HCN1: variants seen among roughly 807,000 people sequenced by gnomAD.
HCN1 encodes potassium/sodium hyperpolarization-activated cyclic nucleotide-gated channel 1.
Under a neutral mutation model 78.9 loss-of-function variants are expected in HCN1, and 13 were observed. The observed-to-expected ratio is 0.16, with a 90% CI of 0.11 to 0.26. The LOEUF (loss-of-function observed/expected upper bound fraction) is 0.26, where lower values mean the gene tolerates loss of function less well. Ranked by LOEUF, HCN1 falls within the 10% of genes least tolerant of loss-of-function variation. HCN1 has a pLI of 1.00. For missense variants in HCN1, 810 were observed against 1,154.3 expected, an observed-to-expected ratio of 0.70 and a Z score of 4.32; for synonymous variants, 552 against 455.5, an observed-to-expected ratio of 1.21 and a Z score of -2.70.
At chr5:45,370,639 T>C (rs1272117847) in intron 4 of HCN1, among the ~76,000 whole-genome samples, 1 of 152,096 alleles carries the variant, frequency 6.6e-6, no homozygotes, top group Admixed American at 6.6e-5. Flanking sequence ...TCCCAAGAGA[T>C]AAATATAATT....
intron 4 of HCN1, among the ~76,000 whole-genome samples, chr5:45,372,836 G>GAAAAATATGTTCGTATTCTATACAC (rs1561128864): frequency 7.2e-6 from 1 of 138,582 alleles, no homozygotes; most frequent in Non-Finnish European, 1.5e-5. Flanking sequence ...ATTCTATACA[G>GAAAAATATGTTCGTATTCTATACAC]AAAAATATGT....
At chr5:45,375,462 A>G (rs1030423867) in intron 4 of HCN1, among the ~76,000 whole-genome samples, 1 of 106,086 alleles carries the variant, frequency 9.4e-6, no homozygotes, top group Non-Finnish European at 1.7e-5. Context: ...TATGATACAT[A>G]TGATATATAA....
chr5:45,485,563 A>G (rs559697701), intron 2 of HCN1, among the ~76,000 whole-genome samples: 3 of 152,346 alleles, frequency 2.0e-5, no homozygotes, highest in South Asian at 2.1e-4. Context: ...CTTACGCAGA[A>G]GGGAAATACT....
intron 2 of HCN1, among the ~76,000 whole-genome samples, chr5:45,496,736 C>G (rs1742041701): frequency 6.6e-6 from 1 of 151,996 alleles, no homozygotes; most frequent in Non-Finnish European, 1.5e-5. Context: ...TTATTTCTTG[C>G]CTTCTGCTAG....
chr5:45,619,293 A>G (rs567331397), intron 2 of HCN1, among the ~76,000 whole-genome samples: 2 of 152,090 alleles, frequency 1.3e-5, no homozygotes, highest in Non-Finnish European at 2.9e-5. Context: ...TGGCACCCAC[A>G]TCACAATTCT....
intron 2 of HCN1, among the ~76,000 whole-genome samples, chr5:45,547,788 T>C (rs1743259532): frequency 6.6e-6 from 1 of 151,932 alleles, no homozygotes; most frequent in Non-Finnish European, 1.5e-5. Flanking sequence ...AATAAACATA[T>C]AAAATGCTAT....
intron 2 of HCN1, among the ~76,000 whole-genome samples, chr5:45,608,174 A>G (rs1421769361): frequency 3.9e-5 from 6 of 152,006 alleles, no homozygotes; most frequent in Admixed American, 3.9e-4. Flanking sequence ...AAATGTGCAA[A>G]CTGTATTTAG....
intron 3 of HCN1, among the ~76,000 whole-genome samples, chr5:45,444,435 A>C (rs1740743145): frequency 6.6e-6 from 1 of 152,174 alleles, no homozygotes; most frequent in African/African-American, 2.4e-5. Context: ...ATTTTTAATA[A>C]AAATATTATT....
At chr5:45,692,926 T>C (rs537004439) in intron 1 of HCN1, among the ~76,000 whole-genome samples, 1 of 152,210 alleles carries the variant, frequency 6.6e-6, no homozygotes, top group Non-Finnish European at 1.5e-5. Context: ...ATCCTCTGGA[T>C]ATCTTCATTT....
At chr5:45,446,538 G>A (rs377747971) in intron 3 of HCN1, among the ~76,000 whole-genome samples, 24 of 151,398 alleles carry the variant, frequency 1.6e-4, no homozygotes, top group East Asian at 5.9e-4. Flanking sequence ...TACAGAGAAC[G>A]CCACAAAGAT....
intron 2 of HCN1, among the ~76,000 whole-genome samples, chr5:45,581,062 A>G (rs1744059348): frequency 6.6e-6 from 1 of 152,178 alleles, no homozygotes; most frequent in South Asian, 2.1e-4. Context: ...CAGTAATGGG[A>G]TGGCTGGGTC....
chr5:45,620,155 G>A (rs1745027753), intron 2 of HCN1, among the ~76,000 whole-genome samples: 1 of 151,934 alleles, frequency 6.6e-6, no homozygotes, highest in Admixed American at 6.6e-5. Context: ...TCTTCAAGGC[G>A]TCAAGGTGGC....
At chr5:45,400,885 CT>C (rs1295609635) in intron 3 of HCN1, among the ~76,000 whole-genome samples, 3 of 152,076 alleles carry the variant, frequency 2.0e-5, no homozygotes, top group Admixed American at 6.6e-5. Flanking sequence ...ATGATTCTGG[CT>C]TTTTTTCCCA....
At chr5:45,303,897 A>G in intron 5 of HCN1, 58 bp from the exon 6 acceptor site, 1 of 1,452,264 alleles carries the variant, frequency 6.9e-7, no homozygotes, top group Non-Finnish European at 9.7e-7. Flanking sequence ...TCTGGAAGAA[A>G]AACATGCTGA....
In HCN1 at chr5:45,303,705, T is replaced by G. The variant is rs2111904954; in HGVS notation, c.1512A>C (p.Arg504=). The change falls in exon 6 of 8, where the codon CGA becomes CGC. Residue 504 remains arginine, a synonymous_variant. Coordinates refer to ENST00000303230, the MANE Select transcript of HCN1 (RefSeq NM_021072.4). ...ACATTTTTTTACCCACGGCTCCTTC[T>G]CGTATGATATAATCTCCAGGTTGAA... The part of the protein sequence containing the change: ...EVFQPGDYII[R]EGAVGKKMYF... The G allele has an allele frequency of 6.2e-7, 1 of 1,613,688 alleles. No individual in the cohort carries two copies. Among genetic ancestry groups the G allele is most frequent in the East Asian group, 2.2e-5 (1 of 44,840 alleles).
chr5:45,651,348 A>G (rs1356815527), intron 1 of HCN1, among the ~76,000 whole-genome samples: 1 of 152,018 alleles, frequency 6.6e-6, no homozygotes, highest in Non-Finnish European at 1.5e-5. Context: ...AATTAGTGGT[A>G]TTCTGGGAGA....
chr5:45,535,384 A>AGTCAGGAG (rs1742944345), intron 2 of HCN1, among the ~76,000 whole-genome samples: 1 of 152,100 alleles, frequency 6.6e-6, no homozygotes, highest in Non-Finnish European at 1.5e-5. Context: ...GATCACTTGA[A>AGTCAGGAG]GTCAGGAGTT....
At chr5:45,491,765 T>C (rs1472793035) in intron 2 of HCN1, among the ~76,000 whole-genome samples, 1 of 152,144 alleles carries the variant, frequency 6.6e-6, no homozygotes, top group Non-Finnish European at 1.5e-5. Flanking sequence ...AAAAATAATA[T>C]GTGCAAGCAA....
chr5:45,339,311 C>T (rs1746527231), intron 5 of HCN1, among the ~76,000 whole-genome samples: 1 of 151,862 alleles, frequency 6.6e-6, no homozygotes, highest in Non-Finnish European at 1.5e-5. Flanking sequence ...AGAGTAGTGA[C>T]AGAAAATTTA....
Sources: gnomAD v4.1 joint callset for allele counts (sites outside exome capture counted in the v4.1 genomes callset) on GRCh38, gnomAD v4.1.1 for gene constraint, MANE v1.5 for transcripts, NCBI Gene and HGNC (gene_info 2026-07-23, HGNC 2026-07-21) for gene names.